Variants in KLHL8 observed in about 807,000 individuals in gnomAD.
KLHL8 encodes kelch-like protein 8.
KLHL8 carries 38 observed loss-of-function variants against 63.5 expected under a neutral mutation model. The observed-to-expected ratio is 0.60, with a 90% confidence interval of 0.46 to 0.78. KLHL8 has a LOEUF of 0.78. KLHL8 is among the 30% of genes least tolerant of loss of function. KLHL8 has a pLI of 0.00. For missense variants in KLHL8, 566 were observed against 752.4 expected, an observed-to-expected ratio of 0.75 and a Z score of 2.90; for synonymous variants, 224 against 254.3, an observed-to-expected ratio of 0.88 and a Z score of 1.13.
At chr4:87,200,432 TTG>T (rs1376985518) in intron 1 of KLHL8, among the ~76,000 whole-genome samples, 1 of 152,210 alleles carries the variant, frequency 6.6e-6, no homozygotes, top group Non-Finnish European at 1.5e-5. Flanking sequence ...ATGTAAATAG[TTG>T]TTATATTTTT....
At chr4:87,184,131 C>T (rs1467544129) in intron 3 of KLHL8, among the ~76,000 whole-genome samples, 3 of 152,100 alleles carry the variant, frequency 2.0e-5, no homozygotes, top group Non-Finnish European at 2.9e-5. Flanking sequence ...CCCCCTTGAA[C>T]GAAATCTGCC....
intron 1 of KLHL8, among the ~76,000 whole-genome samples, chr4:87,226,512 A>G (rs1203296273): frequency 1.4e-5 from 2 of 144,908 alleles, no homozygotes; most frequent in African/African-American, 5.1e-5. Flanking sequence ...CAGTGAGCTG[A>G]GATCGCGCCA....
chr4:87,208,041 C>T, intron 1 of KLHL8: 2 of 646,180 alleles, frequency 3.1e-6, no homozygotes, highest in African/African-American at 1.8e-5. Flanking sequence ...ATGAATTTGG[C>T]TACAGCAACA....
intron 1 of KLHL8, chr4:87,207,496 G>A: frequency 2.5e-6 from 2 of 797,438 alleles, no homozygotes; most frequent in Non-Finnish European, 2.2e-6. Context: ...CATGAACCAT[G>A]AGAAGTATGA....
intron 1 of KLHL8, chr4:87,207,217 C>A: frequency 1.8e-6 from 1 of 566,592 alleles, no homozygotes; most frequent in South Asian, 1.5e-5. Flanking sequence ...ACTACATGGT[C>A]TACATGTTCC....
intron 4 of KLHL8, among the ~76,000 whole-genome samples, chr4:87,179,217 C>G (rs973525289): frequency 3.9e-5 from 6 of 152,174 alleles, no homozygotes; most frequent in Non-Finnish European, 7.4e-5. Context: ...ATCTCCCCTT[C>G]TTGCCTACCT....
At chr4:87,206,968 G>C in intron 1 of KLHL8, 1 of 269,264 alleles carries the variant, frequency 3.7e-6, no homozygotes, top group Non-Finnish European at 7.3e-6. Flanking sequence ...GAATTAACAC[G>C]ATCTCTATGG....
At chr4:87,215,702 C>G (rs1732569501) in intron 1 of KLHL8, among the ~76,000 whole-genome samples, 1 of 152,096 alleles carries the variant, frequency 6.6e-6, no homozygotes, top group African/African-American at 2.4e-5. Flanking sequence ...AACGCTTATT[C>G]TTATAAGAAT....
intron 1 of KLHL8, among the ~76,000 whole-genome samples, chr4:87,205,165 G>C (rs1732072185): frequency 6.6e-6 from 1 of 152,204 alleles, no homozygotes; most frequent in Admixed American, 6.5e-5. Context: ...TCAGCACTTT[G>C]AGAGGACAAG....
At position 87,185,515 on chromosome 4, in the gene KLHL8, G is replaced by A. The variant is rs780436768; in HGVS notation, c.501C>T (p.Ser167=). 1 of 1,614,172 alleles carries A rather than the reference G, an allele frequency of 6.2e-7. No individual in the cohort carries two copies. Among genetic ancestry groups the A allele is most frequent in the Non-Finnish European group, 8.5e-7 (1 of 1,180,018 alleles). Residue 167 remains serine (S), a synonymous_variant, in exon 3 of 10, where the codon TCC becomes TCT. Coordinates refer to ENST00000273963, the MANE Select transcript of KLHL8 (RefSeq NM_020803.5). Reference sequence around the variant, plus strand: ...CAAAGGCTCTTACTGCCAGGCAATTGGAGGGATGAAAATGTAACTTCATGT... The same window carrying A: ...CAAAGGCTCTTACTGCCAGGCAATTAGAGGGATGAAAATGTAACTTCATGT... The part of the protein sequence containing the change: ...CEYMKLHFHP[S]NCLAVRAFAE...
chr4:87,229,064 A>G (rs1177558012), intron 1 of KLHL8, among the ~76,000 whole-genome samples: 2 of 152,254 alleles, frequency 1.3e-5, no homozygotes, highest in Non-Finnish European at 2.9e-5. Context: ...GAACCAGAAG[A>G]AAAACTTTTA....
rs777818642 is a variant in KLHL8 at position 87,185,571 on chromosome 4, C to T, written c.445G>A (p.Val149Ile). 1 of 1,614,210 alleles carries T rather than the reference C, an allele frequency of 6.2e-7. No individual in the cohort carries two copies. The highest frequency in any genetic ancestry group is 1.1e-5 in the South Asian group (1 of 91,086). The change falls in exon 3 of 10, where the codon GTT becomes ATT. Residue 149 changes from valine (V) to isoleucine (I), a missense_variant. By Grantham distance (29) the Val-to-Ile change is conservative. Coordinates refer to ENST00000273963, the MANE Select transcript of KLHL8 (RefSeq NM_020803.5). The stretch of plus-strand genomic sequence containing the variant: ...CAACAAGCTCTAGCCACCAGTTCAA[C>T]CTGCAGAATACAGGCTGCATATAAG... ...PLLYAACILQ[V>I]ELVARACCEY...
intron 8 of KLHL8, among the ~76,000 whole-genome samples, chr4:87,165,022 G>A (rs756792144): frequency 3.4e-4 from 51 of 151,740 alleles, no homozygotes; most frequent in East Asian, 7.8e-4. Flanking sequence ...GGTGGCGGGC[G>A]CCTGTAGTCC....
chr4:87,195,644 G>A lies in KLHL8; in HGVS notation c.-105C>T, dbSNP rs1213909750. 1.3e-5 allele frequency: 12 copies of A among 916,036 alleles called. No individual in the cohort carries two copies. In the East Asian group the frequency reaches 1.7e-4, roughly 13 times the overall value. 56.7% of individuals were successfully genotyped at this position (916,036 alleles called of 1,614,324 possible). ...AGGTAGATGTAGACACTACAATTCA[G>A]ACGTTTTTCAAAACCCACTCAACTG... On this transcript the variant is annotated 5_prime_UTR_variant, in exon 2 of 10. Coordinates refer to ENST00000273963, the MANE Select transcript of KLHL8 (RefSeq NM_020803.5).
chr4:87,227,567 T>C (rs1010725634), intron 1 of KLHL8, among the ~76,000 whole-genome samples: 2 of 152,108 alleles, frequency 1.3e-5, no homozygotes, highest in African/African-American at 4.8e-5. Flanking sequence ...GGAGGATCCC[T>C]TGAGCCCAGT....
At chr4:87,221,687 T>G (rs559247489), upstream of KLHL8, among the ~76,000 whole-genome samples, 1 of 151,750 alleles carries the variant, frequency 6.6e-6, no homozygotes, top group African/African-American at 2.4e-5. Flanking sequence ...AACATATATA[T>G]ATCTGTATAT....
At chr4:87,205,384 G>A (rs1732082423) in intron 1 of KLHL8, among the ~76,000 whole-genome samples, 2 of 150,076 alleles carry the variant, frequency 1.3e-5, no homozygotes, top group African/African-American at 4.9e-5. Context: ...TCCACCCGGG[G>A]TGACAGAGTA....
Position 87,160,322 on chromosome 4 carries a change from T to C in KLHL8, c.*3197A>G, listed in dbSNP as rs2149820693. ...ATGAAGGGGAAAGAGACATAGCCAA[T>C]GGCATCCCAGTAATAATTTCTTTAC... On this transcript the variant is annotated 3_prime_UTR_variant, in exon 10 of 10. Transcript: ENST00000273963. 1 of 152,232 alleles carries C rather than the reference T, an allele frequency of 6.6e-6. No homozygotes were observed. Among genetic ancestry groups the C allele is most frequent in the Admixed American group, 6.5e-5 (1 of 15,292 alleles). 9.4% of individuals were successfully genotyped at this position (152,232 alleles called of 1,614,324 possible).
intron 1 of KLHL8, among the ~76,000 whole-genome samples, chr4:87,229,979 A>G (rs535556414): frequency 2.7e-4 from 41 of 152,084 alleles, no homozygotes; most frequent in Non-Finnish European, 1.2e-4. Flanking sequence ...TTGGCCAAAC[A>G]TCTCACTCCT....
Sources: allele counts gnomAD v4.1 joint callset (sites outside exome capture counted in the v4.1 genomes callset), GRCh38; gene constraint gnomAD v4.1.1; transcripts MANE v1.5; gene names NCBI Gene and HGNC (gene_info 2026-07-23, HGNC 2026-07-21).